PCDHA3: variants seen among roughly 807,000 people sequenced by gnomAD.
PCDHA3 encodes protocadherin alpha-3.
A neutral mutation model predicts 62.2 loss-of-function variants in PCDHA3; 41 were observed. The ratio of observed to expected loss-of-function variants is 0.66; its 90% CI spans 0.51 to 0.86. PCDHA3 has a LOEUF of 0.86. PCDHA3 is among the 40% of genes least tolerant of loss of function. The pLI, the probability that PCDHA3 is intolerant of heterozygous loss-of-function variation, is 0.00. For synonymous variants in PCDHA3, 640 were observed against 555.4 expected (o/e 1.15, Z -2.14); for missense variants, 1,304 against 1,241.2 (o/e 1.05, Z -0.76).
intron 1 of PCDHA3, chr5:140,834,490 C>CCG (rs1360938098): frequency 5.0e-6 from 8 of 1,614,154 alleles, no homozygotes; most frequent in Non-Finnish European, 5.9e-6. Flanking sequence ...TACTCGGTCC[C>CCG]CGAGGAGGCT....
At chr5:140,992,187 G>C (rs1395618041) in intron 3 of PCDHA3, among the ~76,000 whole-genome samples, 1 of 152,118 alleles carries the variant, frequency 6.6e-6, no homozygotes, top group Non-Finnish European at 1.5e-5. Flanking sequence ...CATGCTTTCA[G>C]TGATCTATCC....
At chr5:140,839,793 G>A (rs1776412354) in intron 1 of PCDHA3, among the ~76,000 whole-genome samples, 1 of 151,918 alleles carries the variant, frequency 6.6e-6, no homozygotes, top group East Asian at 1.9e-4. Context: ...TAGAAATTTG[G>A]AGGAGCTCTT....
At chr5:140,931,717 C>G (rs2087694120) in intron 1 of PCDHA3, among the ~76,000 whole-genome samples, 1 of 151,872 alleles carries the variant, frequency 6.6e-6, no homozygotes, top group Admixed American at 6.6e-5. Flanking sequence ...AAAATAACTT[C>G]TATAAATATG....
chr5:140,972,241 GC>G (rs1162351861), intron 1 of PCDHA3, among the ~76,000 whole-genome samples: 1 of 151,838 alleles, frequency 6.6e-6, no homozygotes, highest in Non-Finnish European at 1.5e-5. Flanking sequence ...CTGGGCTCAA[GC>G]AATCCTCACA....
intron 1 of PCDHA3, chr5:140,810,947 T>C (rs1170384850): frequency 6.6e-6 from 1 of 152,206 alleles, no homozygotes; most frequent in Non-Finnish European, 1.5e-5. Flanking sequence ...ACAATCCATT[T>C]GGAATATACA....
At chr5:140,858,625 T>A (rs2045528405) in intron 1 of PCDHA3, 1 of 1,095,156 alleles carries the variant, frequency 9.1e-7, no homozygotes, top group South Asian at 1.7e-5. Flanking sequence ...CTACCCAGTG[T>A]GTCAGCCTTT....
chr5:140,955,832 G>A (rs2095230258), intron 1 of PCDHA3, among the ~76,000 whole-genome samples: 1 of 152,132 alleles, frequency 6.6e-6, no homozygotes, highest in South Asian at 2.1e-4. Flanking sequence ...TTGAGCAGTG[G>A]TTTGTCATTC....
At position 140,801,086 on chromosome 5, in the gene PCDHA3, T is replaced by A; in HGVS notation, c.-112T>A. The stretch of plus-strand genomic sequence containing the variant: ...CGTATTCAGATACTGCTTTGCTTCA[T>A]CCTCTCTAAAATTTAACACCGAGGA... On this transcript the variant is annotated 5_prime_UTR_variant, in exon 1 of 4. Coordinates refer to ENST00000522353, the MANE Select transcript of PCDHA3 (RefSeq NM_018906.3). The A allele has an allele frequency of 6.7e-7, 1 of 1,489,776 alleles. No homozygotes were observed. Among genetic ancestry groups the A allele is most frequent in the Non-Finnish European group, 8.9e-7 (1 of 1,126,810 alleles). 92.3% of individuals were successfully genotyped at this position (1,489,776 alleles called of 1,614,324 possible).
chr5:140,931,838 C>G (rs572437091), intron 1 of PCDHA3, among the ~76,000 whole-genome samples: 4 of 151,894 alleles, frequency 2.6e-5, no homozygotes, highest in African/African-American at 9.6e-5. Context: ...ATCCTGAATG[C>G]CTTAATAACA....
At chr5:140,911,168 T>C (rs1315264734) in intron 1 of PCDHA3, among the ~76,000 whole-genome samples, 1 of 152,190 alleles carries the variant, frequency 6.6e-6, no homozygotes, top group Non-Finnish European at 1.5e-5. Context: ...GTGGAAAGGC[T>C]GATGGCAGTG....
chr5:140,976,149 A>C (rs1397618914), intron 1 of PCDHA3, among the ~76,000 whole-genome samples: 1 of 152,182 alleles, frequency 6.6e-6, no homozygotes, highest in Non-Finnish European at 1.5e-5. Context: ...ACTCATGTAC[A>C]TTTTACTACT....
chr5:140,967,976 C>T (rs2096205972), intron 1 of PCDHA3: 3 of 1,614,222 alleles, frequency 1.9e-6, no homozygotes, highest in Non-Finnish European at 2.5e-6. Context: ...GAGCCTGGGT[C>T]TGGAGGCCAC....
At chr5:140,899,250 G>A (rs1232558400) in intron 1 of PCDHA3, among the ~76,000 whole-genome samples, 1 of 152,118 alleles carries the variant, frequency 6.6e-6, no homozygotes, top group African/African-American at 2.4e-5. Flanking sequence ...GGTGAGAGAG[G>A]GCATCCCTGT....
In PCDHA3 at chr5:140,809,371, C is replaced by A. The variant is rs781936039; in HGVS notation, c.2394+5780C>A. On this transcript the variant is annotated intron_variant, in intron 1 of 3. Transcript: ENST00000522353. ...CGCTGCGGTGCTCTGCGCTGCCCACCGAGGGCGCGTGCGCTCCGGGCAAGC... is the reference window on the plus strand; with the variant it reads ...CGCTGCGGTGCTCTGCGCTGCCCACAGAGGGCGCGTGCGCTCCGGGCAAGC... The A allele has an allele frequency of 4.3e-6, 7 of 1,613,986 alleles. No individual in the cohort carries two copies. In the South Asian group the frequency reaches 5.5e-5, roughly 13 times the overall value.
In PCDHA3 at chr5:140,807,552, A is replaced by G. The variant is rs1310483262; in HGVS notation, c.2394+3961A>G. On this transcript the variant is annotated intron_variant, in intron 1 of 3. Coordinates refer to ENST00000522353, the MANE Select transcript of PCDHA3 (RefSeq NM_018906.3). ...CTGCAGGTTTTCCATGTGGACGTGG[A>G]GGTGAGGGACATTAACGATAACCCG... is the stretch of plus-strand genomic sequence containing the variant. 2 of 1,613,986 alleles carry G rather than the reference A, an allele frequency of 1.2e-6. No homozygotes were observed. The highest frequency in any genetic ancestry group is 1.7e-6 in the Non-Finnish European group (2 of 1,180,018).
rs782181380 is a variant in PCDHA3 at position 140,857,975 on chromosome 5, C to A, written c.2394+54384C>A. 5 of 1,596,906 alleles carry A rather than the reference C, an allele frequency of 3.1e-6. 1 individual carries two copies. The highest frequency in any genetic ancestry group is 3.4e-6 in the Non-Finnish European group (4 of 1,167,228). On this transcript the variant is annotated intron_variant, in intron 1 of 3. Coordinates refer to ENST00000522353, the MANE Select transcript of PCDHA3 (RefSeq NM_018906.3). ...CGCTCTGGATGAGACTGACTCGCCA[C>A]GCCAGCGCCTACTGGTGCTGGTGAA...
In PCDHA3 at chr5:140,875,915, T is replaced by G. The variant is rs782225928; in HGVS notation, c.2394+72324T>G. On this transcript the variant is annotated intron_variant, in intron 1 of 3. Transcript: ENST00000522353. Reference sequence around the variant, plus strand: ...GTACCTGTTTCTGAATCTGCGCCTCTGGACTCTCATTTTCCTCTAGAGGGC... The same window carrying G: ...GTACCTGTTTCTGAATCTGCGCCTCGGGACTCTCATTTTCCTCTAGAGGGC... 3.7e-6 allele frequency: 6 copies of G among 1,614,096 alleles called. No homozygotes were observed. In the African/African-American group the frequency reaches 6.7e-5, roughly 18 times the overall value.
chr5:140,924,736 A>C (rs1554202112), intron 1 of PCDHA3, among the ~76,000 whole-genome samples: 1 of 151,866 alleles, frequency 6.6e-6, no homozygotes, highest in Non-Finnish European at 1.5e-5. Flanking sequence ...CTCTAATAAA[A>C]ATACAAAAAT....
chr5:140,928,424 C>A, intron 1 of PCDHA3: 1 of 1,614,184 alleles, frequency 6.2e-7, no homozygotes, highest in Non-Finnish European at 8.5e-7. Context: ...ACTGCCAAAA[C>A]TTCCTTTGAC....
Sources: gnomAD v4.1 joint callset for allele counts (sites outside exome capture counted in the v4.1 genomes callset) on GRCh38, gnomAD v4.1.1 for gene constraint, MANE v1.5 for transcripts, NCBI Gene and HGNC (gene_info 2026-07-23, HGNC 2026-07-21) for gene names.